The following ZYG11B variants were observed in gnomAD, a reference collection of about 807,000 sequenced individuals.
ZYG11B encodes the protein zyg-11 family member B, cell cycle regulator.
In ZYG11B, 36 loss-of-function variants were observed where a neutral mutation model predicts 82.4. That is an observed-to-expected ratio of 0.44 (90% confidence interval 0.33 to 0.58). The LOEUF is 0.58. Ranked by LOEUF, ZYG11B falls within the 20% of genes least tolerant of loss-of-function variation. ZYG11B has a pLI of 0.02. For synonymous variants in ZYG11B, 303 were observed against 312.8 expected (o/e 0.97, Z 0.33); for missense variants, 552 against 895.6 (o/e 0.62, Z 4.90).
intron 13 of ZYG11B, among the ~76,000 whole-genome samples, chr1:52,817,833 T>TTGAGA (rs1645248860): frequency 4.4e-5 from 1 of 22,754 alleles, no homozygotes; most frequent in Non-Finnish European, 8.4e-5. Context: ...TTTTTTTTTT[T>TTGAGA]TTTTTTTTTT....
intron 12 of ZYG11B, among the ~76,000 whole-genome samples, chr1:52,814,984 C>A (rs931213149): frequency 2.6e-5 from 4 of 151,920 alleles, no homozygotes; most frequent in African/African-American, 9.7e-5. Flanking sequence ...ATGTTGAAAC[C>A]CCTGTCTCTA....
intron 8 of ZYG11B, among the ~76,000 whole-genome samples, chr1:52,798,038 A>G (rs1446039729): frequency 2.0e-5 from 3 of 151,768 alleles, no homozygotes; most frequent in Non-Finnish European, 4.4e-5. Context: ...TGGGAGGATC[A>G]CTTGAGCCCA....
intron 5 of ZYG11B, 150 bp downstream of exon 5, chr1:52,785,203 A>G: frequency 1.2e-6 from 1 of 840,864 alleles, no homozygotes; most frequent in East Asian, 2.7e-5. Flanking sequence ...AGTGGACACC[A>G]AAGGAGTATA....
chr1:52,776,035 G>T (rs1644802224), intron 3 of ZYG11B, among the ~76,000 whole-genome samples: 1 of 147,244 alleles, frequency 6.8e-6, no homozygotes, highest in Non-Finnish European at 1.5e-5. Context: ...GACGAACATG[G>T]AGAAACCCCG....
chr1:52,805,003 A>C (rs997369737), intron 10 of ZYG11B: 1 of 151,656 alleles, frequency 6.6e-6, no homozygotes, highest in African/African-American at 2.4e-5. Flanking sequence ...AGGCAGGAGA[A>C]TCACTTGAAC....
chr1:52,749,369 T>C (rs1051826306), intron 1 of ZYG11B, among the ~76,000 whole-genome samples: 22 of 152,242 alleles, frequency 1.4e-4, no homozygotes, highest in African/African-American at 5.3e-4. Flanking sequence ...GCAGGTAGCT[T>C]ATTTGGGGCA....
chr1:52,820,703 G>GGCA (rs1645275375), intron 13 of ZYG11B, among the ~76,000 whole-genome samples: 1 of 95,310 alleles, frequency 1.0e-5, no homozygotes, highest in African/African-American at 4.9e-5. Flanking sequence ...GCAACAGAAT[G>GGCA]AGACTGTCTT....
At chr1:52,819,004 G>A (rs72668690) in intron 13 of ZYG11B, among the ~76,000 whole-genome samples, 1 of 151,906 alleles carries the variant, frequency 6.6e-6, no homozygotes, top group African/African-American at 2.4e-5. Flanking sequence ...ATTTTGGCCA[G>A]ACTGGTCTCG....
Position 52,826,305 on chromosome 1 carries a change from C to T in ZYG11B, c.*4676C>T, listed in dbSNP as rs1645324426. The T allele has an allele frequency of 6.6e-6, 1 of 152,118 alleles. No individual in the cohort carries two copies. Among genetic ancestry groups the T allele is most frequent in the Non-Finnish European group, 1.5e-5 (1 of 68,006 alleles). 9.4% of individuals were successfully genotyped at this position (152,118 alleles called of 1,614,324 possible). On this transcript the variant is annotated 3_prime_UTR_variant, in exon 14 of 14. Transcript: ENST00000294353. ...CCTCTCAAATCCATGGTAGTAGTTTCAAATGAGTTTGTGGATAATGGATGT... is the reference window on the plus strand; with the variant it reads ...CCTCTCAAATCCATGGTAGTAGTTTTAAATGAGTTTGTGGATAATGGATGT...
intron 12 of ZYG11B, among the ~76,000 whole-genome samples, chr1:52,816,229 GT>G (rs930253997): frequency 5.3e-5 from 8 of 151,900 alleles, no homozygotes; most frequent in African/African-American, 1.9e-4. Context: ...CTATTTCTTA[GT>G]TTCCAAACCA....
intron 1 of ZYG11B, among the ~76,000 whole-genome samples, chr1:52,753,982 C>T (rs1388472379): frequency 1.3e-5 from 2 of 149,100 alleles, no homozygotes; most frequent in South Asian, 2.1e-4. Flanking sequence ...CTGTCTGCCT[C>T]GGCCTCCCAA....
At chr1:52,766,115 T>C (rs1174531542) in intron 2 of ZYG11B, among the ~76,000 whole-genome samples, 1 of 149,462 alleles carries the variant, frequency 6.7e-6, no homozygotes, top group African/African-American at 2.5e-5. Context: ...TTAAATTTTT[T>C]TTAAATTTTT....
At chr1:52,734,440 GTTTTT>G (rs11394003) in intron 1 of ZYG11B, among the ~76,000 whole-genome samples, 1 of 146,422 alleles carries the variant, frequency 6.8e-6, no homozygotes, top group Non-Finnish European at 1.5e-5. Context: ...GGAATAAAAG[GTTTTT>G]TTTTTTAAAG....
At chr1:52,798,568 GC>G (rs1459762652) in intron 8 of ZYG11B, among the ~76,000 whole-genome samples, 4 of 152,058 alleles carry the variant, frequency 2.6e-5, no homozygotes, top group Non-Finnish European at 5.9e-5. Flanking sequence ...CCGTGATGAC[GC>G]CACTGCACTC....
At position 52,789,987 on chromosome 1, in the gene ZYG11B, TC is replaced by T; in HGVS notation, c.1270-14del. The T allele has an allele frequency of 6.4e-7, 1 of 1,561,240 alleles. No homozygotes were observed. The highest frequency in any genetic ancestry group is 8.7e-7 in the Non-Finnish European group (1 of 1,149,616). ...GATATTTTATTTAGGATTTTTTTCTTCCTTTGATTCTTTAGTTACAGAAGAA... is the reference window on the plus strand; with the variant it reads ...GATATTTTATTTAGGATTTTTTTCTTCTTTGATTCTTTAGTTACAGAAGAA... On this transcript the variant is annotated splice_polypyrimidine_tract_variant and intron_variant, in intron 5 of 13. Coordinates refer to ENST00000294353, the MANE Select transcript of ZYG11B (RefSeq NM_024646.3).
chr1:52,727,790 T>C (rs543112971), intron 1 of ZYG11B, among the ~76,000 whole-genome samples: 1 of 152,280 alleles, frequency 6.6e-6, no homozygotes, highest in South Asian at 2.1e-4. Flanking sequence ...GGTTTTTTCA[T>C]TGAGTTGGGT....
At chr1:52,803,806 T>A (rs947514883) in intron 10 of ZYG11B, among the ~76,000 whole-genome samples, 1 of 152,170 alleles carries the variant, frequency 6.6e-6, no homozygotes, top group Non-Finnish European at 1.5e-5. Context: ...AGTCTCACCA[T>A]GTTGCCCAGG....
chr1:52,821,603 A>C lies in ZYG11B; in HGVS notation c.2209A>C (p.Lys737Gln), dbSNP rs768924122. Reference protein sequence around the residue: ...VRHGRPPPCKKQPQARLN With the variant: ...VRHGRPPPCKQQPQARLN The stretch of plus-strand genomic sequence containing the variant: ...CCATGGGAGGCCACCTCCCTGTAAA[A>C]AACAGCCCCAAGCCAGACTAAATTG... Residue 737 changes from lysine to glutamine, a missense_variant, in exon 14 of 14, where the codon AAA becomes CAA. This residue lies in a region of ZYG11B where 127 missense variants were observed against 163.4 expected (regional missense o/e 0.78). Transcript: ENST00000294353. 6.2e-7 allele frequency: 1 copy of C among 1,613,636 alleles called. No homozygotes were observed. The highest frequency in any genetic ancestry group is 8.5e-7 in the Non-Finnish European group (1 of 1,179,868).
chr1:52,732,022 C>G (rs1644337216), intron 1 of ZYG11B, among the ~76,000 whole-genome samples: 1 of 152,230 alleles, frequency 6.6e-6, no homozygotes, highest in Admixed American at 6.5e-5. Context: ...AGGCTGCTCT[C>G]AAACTCCTGG....
Sources: allele counts gnomAD v4.1 joint callset (sites outside exome capture counted in the v4.1 genomes callset), GRCh38; gene constraint gnomAD v4.1.1; regional missense constraint gnomAD v4.1.1; transcripts MANE v1.5; gene names NCBI Gene and HGNC (gene_info 2026-07-23, HGNC 2026-07-21).